Variants in CDH13 observed in about 807,000 individuals in gnomAD.
The protein encoded by CDH13 is cadherin-13.
CDH13 carries 24 observed loss-of-function variants against 63.8 expected under a neutral mutation model. The ratio of observed to expected loss-of-function variants is 0.38; its 90% confidence interval spans 0.27 to 0.53. CDH13 has a LOEUF of 0.53. Among genes scored for constraint, CDH13 ranks in the 20% least tolerant of loss-of-function variants. The pLI is 0.85. For missense variants in CDH13, 1,049 were observed against 903.1 expected (o/e 1.16, Z -2.07); for synonymous variants, 503 against 355.3 (o/e 1.42, Z -4.67).
At chr16:83,444,580 C>A (rs1420645880) in intron 6 of CDH13, among the ~76,000 whole-genome samples, 1 of 152,174 alleles carries the variant, frequency 6.6e-6, no homozygotes. Flanking sequence ...AGAACCATGT[C>A]CTCTCTTGTG....
chr16:82,881,777 G>A (rs1318570993), intron 2 of CDH13, among the ~76,000 whole-genome samples: 1 of 152,116 alleles, frequency 6.6e-6, no homozygotes, highest in Non-Finnish European at 1.5e-5. Flanking sequence ...TGGTGAGGAG[G>A]AGGGGGCTGA....
chr16:83,500,636 G>A (rs1195999952), intron 7 of CDH13, among the ~76,000 whole-genome samples: 1 of 133,306 alleles, frequency 7.5e-6, no homozygotes, highest in Non-Finnish European at 1.6e-5. Context: ...GCAATGGCAC[G>A]ATCTTGGCTT....
rs111360072 is a variant in CDH13 at position 83,171,554 on chromosome 16, A to G, written c.484-45791A>G. 152 of 1,534,284 alleles carry G rather than the reference A, an allele frequency of 9.9e-5. 2 individuals are homozygous for G. In the African/African-American group the frequency reaches 1.3e-3, roughly 13 times the overall value. On this transcript the variant is annotated intron_variant, in intron 4 of 13. Coordinates refer to ENST00000567109, the MANE Select transcript of CDH13 (RefSeq NM_001257.5). ...TTTGGCAAGTTCTGTGCCTAGCACG[A>G]TGGCTGACATGAGATAAGTGCACAG...
At chr16:83,466,608 A>G (rs1436469954) in intron 6 of CDH13, among the ~76,000 whole-genome samples, 1 of 152,204 alleles carries the variant, frequency 6.6e-6, no homozygotes, top group African/African-American at 2.4e-5. Flanking sequence ...TCAGGGCCTC[A>G]ATGTGTACAG....
In CDH13 at chr16:83,487,949, A is replaced by G. The variant is rs996492441; in HGVS notation, c.960+1294A>G. ...CTTCCACAGTCTTGTTCTTCCTCCC[A>G]TCTCTGACTACTCTTGCCTGTAGCC... is the stretch of plus-strand genomic sequence containing the variant. On this transcript the variant is annotated intron_variant, in intron 7 of 13. Transcript: ENST00000567109. Among the ~76,000 whole-genome samples the G allele has an allele frequency of 4.5e-4, 69 of 152,008 alleles. 1 individual carries two copies. Among genetic ancestry groups the G allele is most frequent in the Admixed American group, 4.5e-3 (68 of 15,272 alleles).
At chr16:83,063,372 C>T (rs746051910) in intron 3 of CDH13, among the ~76,000 whole-genome samples, 12 of 152,108 alleles carry the variant, frequency 7.9e-5, no homozygotes, top group African/African-American at 2.4e-4. Context: ...GTGTTCTGTT[C>T]GTCAAAGCAG....
At chr16:83,736,298 C>G (rs970615304) in intron 10 of CDH13, among the ~76,000 whole-genome samples, 3 of 152,160 alleles carry the variant, frequency 2.0e-5, no homozygotes, top group Non-Finnish European at 4.4e-5. Flanking sequence ...TTCTGGATTT[C>G]AGAAATCGGA....
rs192195312 is a variant in CDH13, at chr16:83,767,627, C to G, written c.1682-12341C>G. Among the ~76,000 whole-genome samples the G allele has an allele frequency of 8.5e-5, 13 of 152,216 alleles. No homozygotes were observed. The East Asian group carries it at 2.5e-3, about 29-fold the overall frequency. On this transcript the variant is annotated intron_variant, in intron 11 of 13. Coordinates refer to ENST00000567109, the MANE Select transcript of CDH13 (RefSeq NM_001257.5). ...GTCCATCAGCTGGTGAGTAGATAAA[C>G]AACATGGTCTATCCATACAATGGAT...
At chr16:82,894,131 A>T in intron 2 of CDH13, among the ~76,000 whole-genome samples, 1 of 152,156 alleles carries the variant, frequency 6.6e-6, no homozygotes, top group East Asian at 1.9e-4. Context: ...TCATTCAATG[A>T]TGAGTACATA....
intron 1 of CDH13, among the ~76,000 whole-genome samples, chr16:82,756,051 T>A (rs2034600724): frequency 6.6e-6 from 1 of 152,214 alleles, no homozygotes; most frequent in African/African-American, 2.4e-5. Context: ...GCAAGTGGTA[T>A]TTTCAAGTTT....
chr16:83,102,064 G>C lies in CDH13; in HGVS notation c.367-23321G>C, dbSNP rs115985950. Among the ~76,000 whole-genome samples, 1,476 of 152,290 alleles carry C rather than the reference G, an allele frequency of 9.7e-3. 25 individuals carry two copies. Among genetic ancestry groups the C allele is most frequent in the African/African-American group, 0.034 (1,394 of 41,568 alleles). On this transcript the variant is annotated intron_variant, in intron 3 of 13. Coordinates refer to ENST00000567109, the MANE Select transcript of CDH13 (RefSeq NM_001257.5). ...TATGAGAGGGAGGTAATGTGTCAGAGCCAGAAAGGGATTTGAAGATGCTAC... is the reference window on the plus strand; with the variant it reads ...TATGAGAGGGAGGTAATGTGTCAGACCCAGAAAGGGATTTGAAGATGCTAC...
At chr16:83,255,007 CTTTCTT>C in intron 5 of CDH13, among the ~76,000 whole-genome samples, 2 of 141,728 alleles carry the variant, frequency 1.4e-5, no homozygotes, top group African/African-American at 2.7e-5. Flanking sequence ...TTCTTTCTTT[CTTTCTT>C]TTTTGCAGCT....
At chr16:83,090,434 C>A (rs1246944225) in intron 3 of CDH13, among the ~76,000 whole-genome samples, 1 of 152,018 alleles carries the variant, frequency 6.6e-6, no homozygotes, top group Non-Finnish European at 1.5e-5. Flanking sequence ...ATGAGTTGGG[C>A]ATGGTGGTGC....
At chr16:83,191,490 C>CATATATATATATATATATATATATAT (rs2038704038) in intron 4 of CDH13, among the ~76,000 whole-genome samples, 1 of 66,292 alleles carries the variant, frequency 1.5e-5, no homozygotes. Context: ...TATATATATG[C>CATATATATATATATATATATATATAT]ACATATATAT....
chr16:83,739,801 C>T (rs747001741), intron 10 of CDH13: 4 of 152,212 alleles, frequency 2.6e-5, no homozygotes, highest in South Asian at 2.1e-4. Context: ...TTCATTCCCT[C>T]ATGCATGCAT....
intron 5 of CDH13, among the ~76,000 whole-genome samples, chr16:83,330,011 G>C (rs974097999): frequency 6.6e-6 from 1 of 152,150 alleles, no homozygotes; most frequent in Non-Finnish European, 1.5e-5. Flanking sequence ...TATCTTTTAA[G>C]ACCCTGCTTT....
intron 8 of CDH13, among the ~76,000 whole-genome samples, chr16:83,667,440 C>T (rs1384748392): frequency 1.3e-5 from 2 of 150,994 alleles, no homozygotes; most frequent in Non-Finnish European, 2.9e-5. Context: ...ACCACCCACC[C>T]ATCCATCCAC....
At chr16:83,782,848 T>C (rs1915622542) in intron 12 of CDH13, among the ~76,000 whole-genome samples, 1 of 152,158 alleles carries the variant, frequency 6.6e-6, no homozygotes, top group Admixed American at 6.5e-5. Flanking sequence ...TCACCTTAGC[T>C]TTCTAGATGT....
At chr16:83,034,161 C>G (rs965459486) in intron 3 of CDH13, among the ~76,000 whole-genome samples, 5 of 152,122 alleles carry the variant, frequency 3.3e-5, no homozygotes, top group South Asian at 2.1e-4. Context: ...ATGTGCCACC[C>G]TACTGTCACC....
Sources: gnomAD v4.1 joint callset for allele counts (sites outside exome capture counted in the v4.1 genomes callset) on GRCh38, gnomAD v4.1.1 for gene constraint, MANE v1.5 for transcripts, NCBI Gene and HGNC (gene_info 2026-07-23, HGNC 2026-07-21) for gene names.